CDH9: variants seen among roughly 807,000 people sequenced by gnomAD.
CDH9 encodes the protein cadherin 9.
Under a neutral mutation model 70.9 loss-of-function variants are expected in CDH9, and 28 were observed. The observed-to-expected ratio is 0.40, with a 90% confidence interval of 0.29 to 0.54. The LOEUF (loss-of-function observed/expected upper bound fraction) is 0.54, where lower values mean the gene tolerates loss of function less well. Among genes scored for constraint, CDH9 ranks in the 20% least tolerant of loss-of-function variants. The pLI, the probability that CDH9 is intolerant of heterozygous loss-of-function variation, is 0.59. For missense variants in CDH9, 874 were observed against 984.4 expected (o/e 0.89, Z 1.50); for synonymous variants, 409 against 343.1 (o/e 1.19, Z -2.12).
intron 2 of CDH9, among the ~76,000 whole-genome samples, chr5:26,924,585 C>T (rs74669936): frequency 0.095 from 14,432 of 151,192 alleles, 867 homozygotes; most frequent in East Asian, 0.17. Context: ...TTCTAGAGTA[C>T]ATGTGCACAA....
intron 2 of CDH9, among the ~76,000 whole-genome samples, chr5:26,952,634 C>CA (rs35876875): frequency 0.66 from 38,066 of 57,670 alleles, 14,092 homozygotes; most frequent in South Asian, 0.86. Context: ...GACTCCGTCT[C>CA]AAAAAAAAAA....
intron 2 of CDH9, among the ~76,000 whole-genome samples, chr5:26,957,068 AT>A (rs981584455): frequency 4.9e-5 from 7 of 142,314 alleles, no homozygotes; most frequent in African/African-American, 1.5e-4. Flanking sequence ...TTATTTTTTA[AT>A]TTTTTTCTAC....
In CDH9 at chr5:26,998,306, A is replaced by G. The variant is rs568708127; in HGVS notation, c.-49-9924T>C. On this transcript the variant is annotated intron_variant, in intron 1 of 11. Transcript: ENST00000231021. Reference sequence around the variant, plus strand: ...GATGTTTACTGTGGCACTATTCACAATAGCAAAGACTTGGAGCCAACCCAA... The same window carrying G: ...GATGTTTACTGTGGCACTATTCACAGTAGCAAAGACTTGGAGCCAACCCAA... Among the ~76,000 whole-genome samples the G allele has an allele frequency of 7.9e-5, 12 of 152,280 alleles. 1 individual carries two copies. The South Asian group carries it at 2.3e-3, about 29-fold the overall frequency.
intron 1 of CDH9, among the ~76,000 whole-genome samples, chr5:27,009,002 G>C (rs1742912857): frequency 6.6e-6 from 1 of 152,232 alleles, no homozygotes; most frequent in South Asian, 2.1e-4. Flanking sequence ...CATTAGTGAA[G>C]AACCATCTTA....
At chr5:26,980,148 T>C (rs1323575439) in intron 2 of CDH9, among the ~76,000 whole-genome samples, 1 of 151,754 alleles carries the variant, frequency 6.6e-6, no homozygotes, top group Admixed American at 6.6e-5. Context: ...AATATTATTA[T>C]AGTTTTTCAA....
chr5:26,929,748 C>A (rs74860024), intron 2 of CDH9, among the ~76,000 whole-genome samples: 6,022 of 152,092 alleles, frequency 0.04, 158 homozygotes, highest in African/African-American at 0.066. Context: ...CACAGAAAAA[C>A]CAACTTTACA....
chr5:26,896,264 G>A (rs1740748786), intron 7 of CDH9, among the ~76,000 whole-genome samples: 1 of 151,856 alleles, frequency 6.6e-6, no homozygotes, highest in Non-Finnish European at 1.5e-5. Flanking sequence ...GTCTTTGAAT[G>A]AGAAATTTTA....
chr5:27,028,505 T>C lies in CDH9; in HGVS notation c.-50+9958A>G, dbSNP rs148831619. 2.2e-3 allele frequency: 342 copies of C among 152,110 alleles called. 2 individuals are homozygous for C. The highest frequency in any genetic ancestry group is 7.8e-3 in the African/African-American group (324 of 41,518). The allele number at this position is 152,110 out of a possible 1,614,324, so 9.4% of individuals were successfully genotyped here. On this transcript the variant is annotated intron_variant, in intron 1 of 11. Coordinates refer to ENST00000231021, the MANE Select transcript of CDH9 (RefSeq NM_016279.4). ...AGGTACTGTTGTAATGGACTGGTAG[T>C]TGAGAATGATATTTGAATAACAGAA... is the stretch of plus-strand genomic sequence containing the variant.
At chr5:26,978,457 A>G (rs994071931) in intron 2 of CDH9, among the ~76,000 whole-genome samples, 1 of 151,956 alleles carries the variant, frequency 6.6e-6, no homozygotes, top group Non-Finnish European at 1.5e-5. Flanking sequence ...AAATTTTCCA[A>G]ATTTAAGCAC....
At chr5:26,922,089 A>G (rs75684778) in intron 2 of CDH9, among the ~76,000 whole-genome samples, 2 of 152,120 alleles carry the variant, frequency 1.3e-5, no homozygotes, top group East Asian at 3.9e-4. Flanking sequence ...TGTCTACAAG[A>G]TCTAGAAAAC....
intron 1 of CDH9, among the ~76,000 whole-genome samples, chr5:27,018,528 T>C (rs911826153): frequency 7.9e-5 from 12 of 152,014 alleles, no homozygotes; most frequent in African/African-American, 2.9e-4. Context: ...GCCCTCTAAA[T>C]CATGTAATCA....
intron 1 of CDH9, among the ~76,000 whole-genome samples, chr5:27,026,535 T>A (rs1743224336): frequency 6.6e-6 from 1 of 152,004 alleles, no homozygotes. Flanking sequence ...TTTAAAAATA[T>A]TTTAATTATT....
intron 2 of CDH9, among the ~76,000 whole-genome samples, chr5:26,951,596 C>G (rs1042252159): frequency 2.0e-5 from 3 of 152,140 alleles, no homozygotes; most frequent in African/African-American, 7.2e-5. Context: ...ACTTGGGGAC[C>G]TGTTCTTTAC....
chr5:26,943,350 A>G (rs1350291741), intron 2 of CDH9, among the ~76,000 whole-genome samples: 3 of 151,890 alleles, frequency 2.0e-5, no homozygotes, highest in Admixed American at 1.3e-4. Flanking sequence ...TGCCTCTACT[A>G]AAAAAATACA....
intron 2 of CDH9, among the ~76,000 whole-genome samples, chr5:26,943,155 C>T (rs1019773020): frequency 8.5e-5 from 13 of 152,154 alleles, no homozygotes; most frequent in Middle Eastern, 3.4e-3. Flanking sequence ...AAACACAAAA[C>T]CTTGATCTTT....
intron 2 of CDH9, among the ~76,000 whole-genome samples, chr5:26,970,846 G>T (rs1040875253): frequency 6.6e-6 from 1 of 151,966 alleles, no homozygotes; most frequent in South Asian, 2.1e-4. Flanking sequence ...AAACTTGCAG[G>T]TCCTACAGTG....
chr5:27,009,880 T>G (rs1367519107), intron 1 of CDH9, among the ~76,000 whole-genome samples: 2 of 152,148 alleles, frequency 1.3e-5, no homozygotes, highest in Non-Finnish European at 2.9e-5. Context: ...TTTCTTACTC[T>G]GGCTCCATAG....
chr5:26,988,627 T>A lies in CDH9; in HGVS notation c.-49-245A>T, dbSNP rs564733559. On this transcript the variant is annotated intron_variant, in intron 1 of 11. Coordinates refer to ENST00000231021, the MANE Select transcript of CDH9 (RefSeq NM_016279.4). Reference sequence around the variant, plus strand: ...CTAATTTAAAATTACTATAAAACAATCAGATACATATTAATATTTTTGTAA... The same window carrying A: ...CTAATTTAAAATTACTATAAAACAAACAGATACATATTAATATTTTTGTAA... Among the ~76,000 whole-genome samples, 4 of 151,832 alleles carry A rather than the reference T, an allele frequency of 2.6e-5. No homozygotes were observed. The East Asian group carries it at 7.7e-4, about 29-fold the overall frequency.
chr5:27,008,134 T>C (rs975133539), intron 1 of CDH9, among the ~76,000 whole-genome samples: 2 of 152,186 alleles, frequency 1.3e-5, no homozygotes, highest in African/African-American at 4.8e-5. Context: ...TAACTAGGTT[T>C]TATTTTTATT....
Sources: allele counts gnomAD v4.1 joint callset (sites outside exome capture counted in the v4.1 genomes callset), GRCh38; gene constraint gnomAD v4.1.1; transcripts MANE v1.5; gene names NCBI Gene and HGNC (gene_info 2026-07-23, HGNC 2026-07-21).